CSTPP1: variants seen among roughly 807,000 people sequenced by gnomAD.
The protein encoded by CSTPP1 is centriolar satellite-associated tubulin polyglutamylase complex regulator 1.
the CSTPP1 span, among the ~76,000 whole-genome samples, chr11:46,978,711 TC>T: frequency 6.6e-6 from 1 of 152,220 alleles, no homozygotes; most frequent in Non-Finnish European, 1.5e-5. Flanking sequence ...TACAGCTATA[TC>T]CCATAAACAG....
chr11:47,104,296 C>G, the CSTPP1 span, among the ~76,000 whole-genome samples: 1 of 152,168 alleles, frequency 6.6e-6, no homozygotes, highest in Non-Finnish European at 1.5e-5. Context: ...ATCTCCACCC[C>G]CAATACTCCA....
the CSTPP1 span, among the ~76,000 whole-genome samples, chr11:46,939,082 CTTTTTTTTTT>C: frequency 3.5e-5 from 3 of 84,744 alleles, no homozygotes; most frequent in East Asian, 3.9e-4. Context: ...TGGCTTACAT[CTTTTTTTTTT>C]TTTTTTTTTT....
the CSTPP1 span, chr11:47,137,935 G>A: frequency 1.6e-6 from 1 of 610,372 alleles, no homozygotes; most frequent in Non-Finnish European, 2.9e-6. Context: ...GTTTCTGTGG[G>A]GAGCCTCAGG....
the CSTPP1 span, chr11:47,157,974 G>A: frequency 7.9e-6 from 12 of 1,512,220 alleles, no homozygotes; most frequent in East Asian, 2.3e-4. Flanking sequence ...AACACAGGGA[G>A]CAGCTGGCCT....
the CSTPP1 span, among the ~76,000 whole-genome samples, chr11:47,110,432 T>C: frequency 6.6e-6 from 1 of 152,226 alleles, no homozygotes. Flanking sequence ...TGATTTCTTA[T>C]ACTGATTTTA....
At chr11:46,978,218 C>T in the CSTPP1 span, among the ~76,000 whole-genome samples, 5 of 152,068 alleles carry the variant, frequency 3.3e-5, no homozygotes, top group African/African-American at 4.8e-5. Flanking sequence ...AGATAACATA[C>T]GCATAACAGA....
chr11:46,978,801 C>T, the CSTPP1 span, among the ~76,000 whole-genome samples: 1 of 152,140 alleles, frequency 6.6e-6, no homozygotes, highest in East Asian at 1.9e-4. Flanking sequence ...CGTGCAGAGC[C>T]ACATCAACCA....
chr11:46,979,014 A>G, the CSTPP1 span, among the ~76,000 whole-genome samples: 2 of 152,262 alleles, frequency 1.3e-5, no homozygotes, highest in Non-Finnish European at 2.9e-5. Context: ...TTATTGCATT[A>G]ATATCACTAT....
chr11:47,156,374 G>A, the CSTPP1 span, among the ~76,000 whole-genome samples: 54 of 152,328 alleles, frequency 3.5e-4, no homozygotes, highest in Middle Eastern at 6.8e-3. Context: ...ACTGCCCAGC[G>A]GTGTGTGTAG....
chr11:47,101,204 A>G, the CSTPP1 span, among the ~76,000 whole-genome samples: 1 of 42,708 alleles, frequency 2.3e-5, no homozygotes, highest in South Asian at 6.6e-4. Flanking sequence ...TATTTTTAGT[A>G]GAGATGGGGT....
the CSTPP1 span, among the ~76,000 whole-genome samples, chr11:47,094,697 C>T: frequency 4.6e-5 from 7 of 152,280 alleles, no homozygotes; most frequent in East Asian, 7.7e-4. Context: ...ACATTAGTCA[C>T]GTTTCAAAGT....
chr11:46,953,831 G>C, the CSTPP1 span, among the ~76,000 whole-genome samples: 2 of 152,194 alleles, frequency 1.3e-5, no homozygotes, highest in Admixed American at 6.5e-5. Context: ...TTGAACAACA[G>C]AGGTGGGAAG....
chr11:47,077,196 G>GTTTTTTTTTTTTTT, the CSTPP1 span, among the ~76,000 whole-genome samples: 1 of 135,522 alleles, frequency 7.4e-6, no homozygotes, highest in Non-Finnish European at 1.6e-5. Flanking sequence ...GGATAAAGTT[G>GTTTTTTTTTTTTTT]TTTTTTTTTT....
At chr11:47,137,472 C>T in the CSTPP1 span, 15 of 1,501,598 alleles carry the variant, frequency 1.0e-5, no homozygotes, top group Middle Eastern at 1.7e-4. Flanking sequence ...TGTAGAAATA[C>T]TGATCTTAAA....
At chr11:46,962,087 C>A in the CSTPP1 span, among the ~76,000 whole-genome samples, 3 of 152,138 alleles carry the variant, frequency 2.0e-5, no homozygotes, top group Non-Finnish European at 4.4e-5. Flanking sequence ...CTCACTATCA[C>A]AAGAACAGCA....
At chr11:47,028,106 G>A in the CSTPP1 span, among the ~76,000 whole-genome samples, 7 of 152,040 alleles carry the variant, frequency 4.6e-5, no homozygotes, top group Non-Finnish European at 8.8e-5. Flanking sequence ...TGTATTTTTA[G>A]TAGAGACGGG....
At chr11:47,110,859 A>C in the CSTPP1 span, among the ~76,000 whole-genome samples, 1 of 151,168 alleles carries the variant, frequency 6.6e-6, no homozygotes, top group East Asian at 1.9e-4. Flanking sequence ...TGATCCACCC[A>C]GCGTGAGACA....
the CSTPP1 span, chr11:46,936,838 C>G: frequency 6.3e-7 from 1 of 1,598,430 alleles, no homozygotes; most frequent in Non-Finnish European, 8.5e-7. Flanking sequence ...CCCTACCGGA[C>G]TACGAGTATC....
the CSTPP1 span, among the ~76,000 whole-genome samples, chr11:46,994,885 A>G: frequency 6.6e-6 from 1 of 151,366 alleles, no homozygotes; most frequent in African/African-American, 2.4e-5. Flanking sequence ...GGTAGAATTC[A>G]GCTGTGAATC....
Sources: allele counts gnomAD v4.1 joint callset (sites outside exome capture counted in the v4.1 genomes callset), GRCh38; gene constraint gnomAD v4.1.1; transcripts MANE v1.5; gene names NCBI Gene and HGNC (gene_info 2026-07-23, HGNC 2026-07-21).